The following CRB1 variants were observed in gnomAD, a reference collection of about 807,000 sequenced individuals.
The protein encoded by CRB1 is crumbs cell polarity complex component 1.
Under a neutral mutation model 120.0 loss-of-function variants are expected in CRB1, and 83 were observed. The ratio of observed to expected loss-of-function variants is 0.69; its 90% CI spans 0.58 to 0.83. CRB1 has a LOEUF of 0.83. CRB1 is among the 40% of genes least tolerant of loss of function. The pLI is 0.00. For synonymous variants in CRB1, 625 were observed against 612.5 expected, an observed-to-expected ratio of 1.02 and a Z score of -0.30; for missense variants, 1,699 against 1,687.6, an observed-to-expected ratio of 1.01 and a Z score of -0.12.
At chr1:197,307,107 A>G (rs1020784767) in intron 1 of CRB1, among the ~76,000 whole-genome samples, 3 of 152,280 alleles carry the variant, frequency 2.0e-5, no homozygotes, top group Admixed American at 6.5e-5. Context: ...TTTATTAAGC[A>G]CCTTTTTGCT....
chr1:197,353,909 A>T (rs1386824971), intron 4 of CRB1, among the ~76,000 whole-genome samples: 3 of 150,114 alleles, frequency 2.0e-5, no homozygotes, highest in East Asian at 3.9e-4. Flanking sequence ...TTATATGTGC[A>T]TCCTACTAAA....
At chr1:197,379,034 A>C (rs1571430941) in intron 5 of CRB1, among the ~76,000 whole-genome samples, 2 of 152,318 alleles carry the variant, frequency 1.3e-5, no homozygotes, top group South Asian at 4.1e-4. Flanking sequence ...CTGTCTACAA[A>C]TGAGACAGGC....
chr1:197,396,239 A>G (rs1219464192), intron 5 of CRB1, among the ~76,000 whole-genome samples: 1 of 152,174 alleles, frequency 6.6e-6, no homozygotes, highest in African/African-American at 2.4e-5. Context: ...TAATTTTTTT[A>G]AATGAAATAA....
chr1:197,350,484 C>G (rs1387553140), intron 4 of CRB1, among the ~76,000 whole-genome samples: 1 of 152,186 alleles, frequency 6.6e-6, no homozygotes, highest in South Asian at 2.1e-4. Flanking sequence ...AGAACATCTA[C>G]CTCAAGAAAC....
At chr1:197,283,267 G>A (rs1191918212) in intron 1 of CRB1, among the ~76,000 whole-genome samples, 2 of 149,178 alleles carry the variant, frequency 1.3e-5, no homozygotes, top group Non-Finnish European at 3.0e-5. Flanking sequence ...TATGTTTTTT[G>A]GGGGGAACAG....
intron 1 of CRB1, among the ~76,000 whole-genome samples, chr1:197,290,704 G>T (rs745545382): frequency 1.3e-5 from 2 of 151,514 alleles, no homozygotes; most frequent in Non-Finnish European, 3.0e-5. Context: ...AATATTTGTT[G>T]TATTTGATTC....
the CRB1 span, among the ~76,000 whole-genome samples, chr1:197,215,646 T>C: frequency 6.6e-6 from 1 of 152,130 alleles, no homozygotes; most frequent in Non-Finnish European, 1.5e-5. Context: ...TCTCATGATA[T>C]CTGATGATTT....
chr1:197,422,458 G>A (rs1664385190), intron 6 of CRB1, among the ~76,000 whole-genome samples: 1 of 151,188 alleles, frequency 6.6e-6, no homozygotes. Flanking sequence ...ATTAAGCATA[G>A]CGTTTTTATA....
chr1:197,433,501 C>T (rs986031468), intron 8 of CRB1, among the ~76,000 whole-genome samples: 4 of 151,820 alleles, frequency 2.6e-5, no homozygotes, highest in Admixed American at 2.6e-4. Flanking sequence ...GTGACTGGGA[C>T]AAAAGCTTGA....
chr1:197,351,591 G>A (rs1299621791), intron 4 of CRB1, among the ~76,000 whole-genome samples: 1 of 152,098 alleles, frequency 6.6e-6, no homozygotes, highest in Non-Finnish European at 1.5e-5. Flanking sequence ...AATTTCAAAA[G>A]AGTTCCCTGG....
At chr1:197,448,129 A>G (rs1665789474) in intron 11 of CRB1, among the ~76,000 whole-genome samples, 1 of 151,868 alleles carries the variant, frequency 6.6e-6, no homozygotes, top group Non-Finnish European at 1.5e-5. Flanking sequence ...TTAGGAACTT[A>G]TTTAATAGTG....
rs1283726201 is a variant in CRB1, at chr1:197,294,757, G to A, written c.70+26275G>A. Among the ~76,000 whole-genome samples, 5 of 152,222 alleles carry A rather than the reference G, an allele frequency of 3.3e-5. No individual in the cohort carries two copies. In the East Asian group the frequency reaches 9.7e-4, roughly 29 times the overall value. ...AAGGTTGAATTCATGTCCTTTGTAGGGACATGGATGAAGCTGGAAACTATC... is the reference window on the plus strand; with the variant it reads ...AAGGTTGAATTCATGTCCTTTGTAGAGACATGGATGAAGCTGGAAACTATC... On this transcript the variant is annotated intron_variant, in intron 1 of 11. Transcript: ENST00000367400.
At chr1:197,317,384 C>T (rs948817739) in intron 1 of CRB1, among the ~76,000 whole-genome samples, 1 of 152,078 alleles carries the variant, frequency 6.6e-6, no homozygotes, top group Non-Finnish European at 1.5e-5. Context: ...CGCCTTTGCA[C>T]TCCAGCCTGG....
chr1:197,421,311 T>A lies in CRB1; in HGVS notation c.1483T>A (p.Trp495Arg), dbSNP rs1342231164. 1 of 1,614,190 alleles carries A rather than the reference T, an allele frequency of 6.2e-7. No individual in the cohort carries two copies. The highest frequency in any genetic ancestry group is 8.5e-7 in the Non-Finnish European group (1 of 1,180,040). The change falls in exon 6 of 12, where the codon TGG becomes AGG. Residue 495 changes from tryptophan (W) to arginine (R), a missense_variant. Physicochemically the swap from Trp to Arg is moderately radical, Grantham distance 101. Transcript: ENST00000367400. ...TTCATTTGAGGGCGATGGCTTCCTG[T>A]GGGTCAAAAGTGGCTCAGTGACAAC... Reference protein sequence around the residue: ...TLSFEGDGFLWVKSGSVTTKG... With the variant: ...TLSFEGDGFLRVKSGSVTTKG...
intron 11 of CRB1, among the ~76,000 whole-genome samples, chr1:197,466,565 G>A (rs963773491): frequency 1.3e-5 from 2 of 152,008 alleles, no homozygotes; most frequent in Non-Finnish European, 2.9e-5. Context: ...CCTTTTGCTG[G>A]TCAAATTATC....
chr1:197,421,486 AG>A lies in CRB1; in HGVS notation c.1660del (p.Val554CysfsTer19), dbSNP rs1664313783. ...HLSIQVNNQS[K>X]VLLFISHNTS... ...TCAATTCAGGTCAATAATCAGTCAA[AG>A]GTGCTTCTGTTCATTTCCCACAACA... is the stretch of plus-strand genomic sequence containing the variant. On this transcript the variant is annotated frameshift_variant, in exon 6 of 12. Coordinates refer to ENST00000367400, the MANE Select transcript of CRB1 (RefSeq NM_201253.3). LOFTEE classifies it high-confidence loss of function. 2 of 1,614,228 alleles carry A rather than the reference AG, an allele frequency of 1.2e-6. No individual in the cohort carries two copies. Among genetic ancestry groups the A allele is most frequent in the Non-Finnish European group, 1.7e-6 (2 of 1,180,038 alleles).
At chr1:197,211,392 A>C in the CRB1 span, among the ~76,000 whole-genome samples, 12 of 152,192 alleles carry the variant, frequency 7.9e-5, no homozygotes, top group Admixed American at 3.3e-4. Context: ...TGGGTAACTT[A>C]TATACAATAG....
At chr1:197,380,332 G>A (rs1362500911) in intron 5 of CRB1, among the ~76,000 whole-genome samples, 3 of 152,092 alleles carry the variant, frequency 2.0e-5, no homozygotes, top group Non-Finnish European at 4.4e-5. Context: ...ATTATATTTT[G>A]CCTGTCTCAA....
the CRB1 span, among the ~76,000 whole-genome samples, chr1:197,234,116 C>T: frequency 6.6e-6 from 1 of 152,148 alleles, no homozygotes; most frequent in Non-Finnish European, 1.5e-5. Flanking sequence ...TGGGAATGAG[C>T]ATATGGTATG....
Sources: gnomAD v4.1 joint callset for allele counts (sites outside exome capture counted in the v4.1 genomes callset) on GRCh38, gnomAD v4.1.1 for gene constraint, MANE v1.5 for transcripts, NCBI Gene and HGNC (gene_info 2026-07-23, HGNC 2026-07-21) for gene names.